The following OR11G2 variants were observed in gnomAD, a reference collection of about 807,000 sequenced individuals.
OR11G2 encodes olfactory receptor family 11 subfamily G member 2, also known as olfactory receptor 11G2.
A neutral mutation model predicts 0.9 loss-of-function variants in OR11G2; 2 were observed. That is an observed-to-expected ratio of 2.35 (90% CI 0.96 to 7.38). The LOEUF is 7.38. Among genes scored for constraint, OR11G2 ranks in the 30% most tolerant of loss-of-function variants. OR11G2 has a pLI of 0.05. For synonymous variants in OR11G2, 153 were observed against 142.0 expected, an observed-to-expected ratio of 1.08 and a Z score of -0.55; for missense variants, 395 against 371.3, an observed-to-expected ratio of 1.06 and a Z score of -0.52.
At chr14:20,197,258 G>A in intron 1 of OR11G2, 176 bp from the exon 2 acceptor site, 2 of 839,512 alleles carry the variant, frequency 2.4e-6, no homozygotes, top group Non-Finnish European at 1.8e-6. Flanking sequence ...CAATACGTCA[G>A]TTTAAAAGAA....
chr14:20,196,503 A>C (rs1879755480), intron 1 of OR11G2, among the ~76,000 whole-genome samples: 1 of 152,256 alleles, frequency 6.6e-6, no homozygotes, highest in Non-Finnish European at 1.5e-5. Context: ...CATTTAAAAC[A>C]AATGAAAGGC....
At chr14:20,195,078 C>G (rs543926769) in intron 1 of OR11G2, among the ~76,000 whole-genome samples, 1 of 152,242 alleles carries the variant, frequency 6.6e-6, no homozygotes, top group East Asian at 1.9e-4. Context: ...TTACCAGAAC[C>G]TATTCCACCC....
rs1467367771 is a variant in OR11G2, at chr14:20,197,825, A to G, written c.388A>G (p.Ile130Val). The stretch of plus-strand genomic sequence containing the variant: ...TATGGCATTTGATCGATACCTTGCC[A>G]TCTGTCGGCCTCTACGCTATCCAAC... ...AVMAFDRYLA[I>V]CRPLRYPTIM... Residue 130 changes from isoleucine to valine, a missense_variant, in exon 2 of 2, where the codon ATC becomes GTC. Physicochemically the swap from Ile to Val is conservative, Grantham distance 29 (BLOSUM62 3). Coordinates refer to ENST00000641879, the MANE Select transcript of OR11G2 (RefSeq NM_001386033.1). The G allele has an allele frequency of 6.2e-7, 1 of 1,614,068 alleles. No individual in the cohort carries two copies. The highest frequency in any genetic ancestry group is 8.5e-7 in the Non-Finnish European group (1 of 1,180,034).
In OR11G2 at chr14:20,197,790, T is replaced by A; in HGVS notation, c.353T>A (p.Phe118Tyr). 6.2e-7 allele frequency: 1 copy of A among 1,614,138 alleles called. No homozygotes were observed. Among genetic ancestry groups the A allele is most frequent in the Non-Finnish European group, 8.5e-7 (1 of 1,180,014 alleles). Residue 118 changes from phenylalanine to tyrosine, a missense_variant, in exon 2 of 2, where the codon TTC (phenylalanine) becomes TAC (tyrosine). Coordinates refer to ENST00000641879, the MANE Select transcript of OR11G2 (RefSeq NM_001386033.1). ...FFSLGSTECF[F>Y]LAVMAFDRYL... ...TCCTTGGGCTCTACAGAATGCTTTT[T>A]CCTGGCAGTTATGGCATTTGATCGA...
intron 1 of OR11G2, among the ~76,000 whole-genome samples, chr14:20,194,528 C>G (rs927900488): frequency 1.3e-5 from 2 of 152,058 alleles, no homozygotes; most frequent in African/African-American, 4.8e-5. Context: ...TCAAATTATT[C>G]GACTGTTGAG....
intron 1 of OR11G2, among the ~76,000 whole-genome samples, chr14:20,196,452 A>T (rs1046998475): frequency 2.6e-5 from 4 of 152,222 alleles, no homozygotes; most frequent in African/African-American, 7.2e-5. Context: ...AACTAATTCC[A>T]AGGCTTGATT....
Position 20,200,034 on chromosome 14 carries a change from C to T in OR11G2, c.*1661C>T, listed in dbSNP as rs1442231613. 1 of 151,660 alleles carries T rather than the reference C, an allele frequency of 6.6e-6. No individual in the cohort carries two copies. The highest frequency in any genetic ancestry group is 1.9e-4 in the East Asian group (1 of 5,178). The allele number at this position is 151,660 out of a possible 1,614,324, so 9.4% of individuals were successfully genotyped here. On this transcript the variant is annotated 3_prime_UTR_variant, in exon 2 of 2. Coordinates refer to ENST00000641879, the MANE Select transcript of OR11G2 (RefSeq NM_001386033.1). ...AGTTCTCCTTGAACTTTCCCCTAGG[C>T]CTGGAGTGAAAGGTCATGCTATGAT...
Position 20,198,061 on chromosome 14 carries a change from T to C in OR11G2, c.624T>C (p.Pro208=), listed in dbSNP as rs2139114797. ...VIELVFSVLS[P]LPVFMLFLFI... ...AGCTTGTCTTTTCTGTCTTAAGTCC[T>C]CTGCCTGTCTTTATGCTCTTTCTCT... The change falls in exon 2 of 2, where the codon CCT becomes CCC. Residue 208 remains proline, a synonymous_variant. Transcript: ENST00000641879. 3 of 1,614,210 alleles carry C rather than the reference T, an allele frequency of 1.9e-6. No individual in the cohort carries two copies. Among genetic ancestry groups the C allele is most frequent in the Non-Finnish European group, 2.5e-6 (3 of 1,180,052 alleles).
chr14:20,197,607 A>G lies in OR11G2; in HGVS notation c.170A>G (p.Gln57Arg), dbSNP rs2139113156. 3 of 1,614,154 alleles carry G rather than the reference A, an allele frequency of 1.9e-6. No individual in the cohort carries two copies. Among genetic ancestry groups the G allele is most frequent in the Non-Finnish European group, 1.7e-6 (2 of 1,180,042 alleles). ...GSIICAVHWD[Q>R]RLHAPMYILL... The stretch of plus-strand genomic sequence containing the variant: ...ATCATCTGTGCTGTGCACTGGGATC[A>G]GAGACTCCACGCCCCCATGTACATC... The change falls in exon 2 of 2, where the codon CAG becomes CGG. Residue 57 changes from glutamine (Q) to arginine (R), a missense_variant. Physicochemically the swap from Gln to Arg is conservative, Grantham distance 43. Coordinates refer to ENST00000641879, the MANE Select transcript of OR11G2 (RefSeq NM_001386033.1).
chr14:20,192,799 G>A (rs780193110), intron 1 of OR11G2, among the ~76,000 whole-genome samples: 12 of 152,122 alleles, frequency 7.9e-5, no homozygotes, highest in African/African-American at 2.9e-4. Context: ...GGGCACTGGC[G>A]ATAAAGAGTG....
At chr14:20,192,442 C>A (rs931964344) in intron 1 of OR11G2, among the ~76,000 whole-genome samples, 9 of 152,224 alleles carry the variant, frequency 5.9e-5, no homozygotes, top group African/African-American at 2.2e-4. Flanking sequence ...TAGCTCTGTC[C>A]TAATTCTATA....
At chr14:20,195,875 C>T (rs1165775583) in intron 1 of OR11G2, among the ~76,000 whole-genome samples, 2 of 152,066 alleles carry the variant, frequency 1.3e-5, no homozygotes, top group East Asian at 3.9e-4. Context: ...ATCATAAATA[C>T]ACATGGGAGC....
intron 1 of OR11G2, among the ~76,000 whole-genome samples, chr14:20,195,337 C>T (rs1879730782): frequency 6.6e-6 from 1 of 152,098 alleles, no homozygotes; most frequent in Non-Finnish European, 1.5e-5. Flanking sequence ...GTCAGGAGTT[C>T]AAGACCAGCC....
At chr14:20,193,221 A>G (rs8014487) in intron 1 of OR11G2, among the ~76,000 whole-genome samples, 145,431 of 152,222 alleles carry the variant, frequency 0.96, 69,546 homozygotes, top group Non-Finnish European at 0.97. Flanking sequence ...GGGTTCAGGC[A>G]AATTCTTGTG....
In OR11G2 at chr14:20,191,469, C is replaced by G. The variant is rs1799531907; in HGVS notation, c.-202C>G. ...ATAATGAGGGTGAAGCTGTTGTTTT[C>G]TTGTTTGGAAAGTTAATTGACCCAA... On this transcript the variant is annotated 5_prime_UTR_variant, in exon 1 of 2. Coordinates refer to ENST00000641879, the MANE Select transcript of OR11G2 (RefSeq NM_001386033.1). 1 of 152,140 alleles carries G rather than the reference C, an allele frequency of 6.6e-6. No homozygotes were observed. The highest frequency in any genetic ancestry group is 6.5e-5 in the Admixed American group (1 of 15,270). The allele number at this position is 152,140 out of a possible 1,614,324, so 9.4% of individuals were successfully genotyped here.
intron 1 of OR11G2, among the ~76,000 whole-genome samples, 174 bp downstream of exon 1, chr14:20,191,840 C>A (rs1411789246): frequency 6.6e-6 from 1 of 151,422 alleles, no homozygotes; most frequent in Non-Finnish European, 1.5e-5. Flanking sequence ...TGAGGGGGAA[C>A]TTGCCTGGAA....
chr14:20,193,962 C>T (rs1316386970), intron 1 of OR11G2, among the ~76,000 whole-genome samples: 1 of 152,094 alleles, frequency 6.6e-6, no homozygotes, highest in African/African-American at 2.4e-5. Flanking sequence ...CGAGTGTTTT[C>T]TCCAGTGAAT....
Position 20,190,984 on chromosome 14 carries a change from T to C in OR11G2, c.-687T>C, listed in dbSNP as rs1467157688. ...CTCCTTCATTCTTTGATGGCTAACA[T>C]AGAAAAGGCTACCTCTCCTCTCCAG... On this transcript the variant is annotated 5_prime_UTR_variant, in exon 1 of 2. Coordinates refer to ENST00000641879, the MANE Select transcript of OR11G2 (RefSeq NM_001386033.1). 2.0e-5 allele frequency: 3 copies of C among 152,202 alleles called. No individual in the cohort carries two copies. Among genetic ancestry groups the C allele is most frequent in the Admixed American group, 6.5e-5 (1 of 15,272 alleles). The allele number at this position is 152,202 out of a possible 1,614,324, so 9.4% of individuals were successfully genotyped here. A position where few individuals can be genotyped will look rare whatever the true frequency, so the allele number is the denominator to read the frequency against.
intron 1 of OR11G2, among the ~76,000 whole-genome samples, chr14:20,195,568 G>A (rs1479661467): frequency 6.6e-6 from 1 of 152,106 alleles, no homozygotes; most frequent in African/African-American, 2.4e-5. Context: ...TATGGATTGT[G>A]TTAAAATTTC....
Sources: gnomAD v4.1 joint callset for allele counts (sites outside exome capture counted in the v4.1 genomes callset) on GRCh38, gnomAD v4.1.1 for gene constraint, MANE v1.5 for transcripts, NCBI Gene and HGNC (gene_info 2026-07-23, HGNC 2026-07-21) for gene names.